PKLR: variants seen among roughly 807,000 people sequenced by gnomAD.
PKLR encodes the protein pyruvate kinase L/R, also known as pyruvate kinase PKLR.
A neutral mutation model predicts 53.6 loss-of-function variants in PKLR; 38 were observed. The observed-to-expected ratio is 0.71, with a 90% CI of 0.55 to 0.93. The LOEUF (loss-of-function observed/expected upper bound fraction) is 0.93. PKLR is among the 40% of genes least tolerant of loss of function. The pLI is 0.00. For missense variants in PKLR, 702 were observed against 787.3 expected, an observed-to-expected ratio of 0.89 and a Z score of 1.30; for synonymous variants, 328 against 316.2, an observed-to-expected ratio of 1.04 and a Z score of -0.39.
intron 2 of PKLR, 89 bp downstream of exon 2, chr1:155,300,009 G>A: frequency 7.6e-7 from 1 of 1,315,924 alleles, no homozygotes; most frequent in Non-Finnish European, 1.1e-6. Context: ...GTCAAACATG[G>A]AGAAGTCTCA....
chr1:155,296,130 G>A (rs1647584820), intron 2 of PKLR, among the ~76,000 whole-genome samples: 1 of 152,178 alleles, frequency 6.6e-6, no homozygotes, highest in Non-Finnish European at 1.5e-5. Flanking sequence ...GGCTTTTAGA[G>A]CTAGGAGGCC....
intron 2 of PKLR, among the ~76,000 whole-genome samples, chr1:155,296,382 G>C (rs993350545): frequency 1.1e-4 from 16 of 150,734 alleles, no homozygotes; most frequent in Admixed American, 1.1e-3. Flanking sequence ...CACTCTTGTC[G>C]CCCAGGCTGG....
At position 155,295,084 on chromosome 1, in the gene PKLR, G is replaced by A. The variant is rs745707960; in HGVS notation, c.694+32C>T. ...GGAGAAGGGAATGTGCCCAGCGCAC[G>A]GATGTGGTCAGGGCGGGAGGCGCGT... is the stretch of plus-strand genomic sequence containing the variant. On this transcript the variant is annotated intron_variant, in intron 5 of 10. Transcript: ENST00000342741. The surrounding 1 kb of genome is among the most constrained non-coding windows in gnomAD (Gnocchi z 4.3). The A allele has an allele frequency of 2.2e-5, 36 of 1,605,298 alleles. No homozygotes were observed. The highest frequency in any genetic ancestry group is 2.9e-5 in the Non-Finnish European group (34 of 1,172,996).
rs963539101 is a variant in PKLR, at chr1:155,294,802, A to C, written c.695-50T>G. On this transcript the variant is annotated intron_variant, in intron 5 of 10. Coordinates refer to ENST00000342741, the MANE Select transcript of PKLR (RefSeq NM_000298.6). ...GCGGTCAGGGGTGAGGACGGGGCAC[A>C]GTTGCAGCAGAGAGGACACTGGGGC... is the stretch of plus-strand genomic sequence containing the variant. 7 of 1,608,584 alleles carry C rather than the reference A, an allele frequency of 4.4e-6. No homozygotes were observed. The African/African-American group carries it at 8.0e-5, about 18-fold the overall frequency.
In PKLR at chr1:155,289,903, G is replaced by A. The variant is rs941425826; in HGVS notation, c.*669C>T. 1.3e-5 allele frequency: 2 copies of A among 152,584 alleles called. No individual in the cohort carries two copies. Among genetic ancestry groups the A allele is most frequent in the African/African-American group, 4.8e-5 (2 of 41,394 alleles). 9.5% of individuals were successfully genotyped at this position (152,584 alleles called of 1,614,324 possible). A position where few individuals can be genotyped will look rare whatever the true frequency, so the allele number is the denominator to read the frequency against. On this transcript the variant is annotated 3_prime_UTR_variant, in exon 11 of 11. Coordinates refer to ENST00000342741, the MANE Select transcript of PKLR (RefSeq NM_000298.6). ...AACATGAGTGGGAAGGAATTTCTGG[G>A]TGCAGAAGGAAGCAGCCGGGGATTT...
Position 155,295,759 on chromosome 1 carries a change from A to G in PKLR, c.284-3T>C, listed in dbSNP as rs1235109778. 6.2e-7 allele frequency: 1 copy of G among 1,612,988 alleles called. No homozygotes were observed. Among genetic ancestry groups the G allele is most frequent in the Non-Finnish European group, 8.5e-7 (1 of 1,178,964 alleles). On this transcript the variant is annotated splice_polypyrimidine_tract_variant and splice_region_variant and intron_variant, in intron 2 of 10. Coordinates refer to ENST00000342741, the MANE Select transcript of PKLR (RefSeq NM_000298.6). The surrounding 1 kb of genome is among the most constrained non-coding windows in gnomAD (Gnocchi z 4.3). ...CTCCACGGAGCGAGATGCTGGCCCTAGAACCAGAGATTCACGTTCAGACAA... is the reference window on the plus strand; with the variant it reads ...CTCCACGGAGCGAGATGCTGGCCCTGGAACCAGAGATTCACGTTCAGACAA...
At chr1:155,303,964 A>G (rs959085722), upstream of PKLR, among the ~76,000 whole-genome samples, 2 of 152,184 alleles carry the variant, frequency 1.3e-5, no homozygotes, top group Admixed American at 1.3e-4. Flanking sequence ...TCTGAGGAAG[A>G]AAAAGCTTGG....
chr1:155,307,539 C>G, the PKLR span, among the ~76,000 whole-genome samples: 2 of 152,180 alleles, frequency 1.3e-5, no homozygotes, highest in Admixed American at 6.5e-5. Context: ...CAAAACCTAC[C>G]AAAACCAAGA....
chr1:155,293,602 C>G lies in PKLR; in HGVS notation c.1117-12G>C. The G allele has an allele frequency of 6.2e-7, 1 of 1,613,984 alleles. No individual in the cohort carries two copies. On this transcript the variant is annotated splice_polypyrimidine_tract_variant and intron_variant, in intron 7 of 10. Coordinates refer to ENST00000342741, the MANE Select transcript of PKLR (RefSeq NM_000298.6). This position sits in a 1 kb window ranked among gnomAD's most constrained non-coding sequence, Gnocchi z 4.2. Reference sequence around the variant, plus strand: ...ATGCTCTCCAGCATCTGGGGGACAGCGTGGATGTCAAAGTTGTAGGACTCA... The same window carrying G: ...ATGCTCTCCAGCATCTGGGGGACAGGGTGGATGTCAAAGTTGTAGGACTCA...
the PKLR span, among the ~76,000 whole-genome samples, chr1:155,308,057 T>TC: frequency 1.6e-5 from 1 of 64,000 alleles, no homozygotes; most frequent in Non-Finnish European, 2.9e-5. Context: ...AGACTCATCT[T>TC]TTTTTTTTTT....
chr1:155,299,432 G>C (rs1343843074), intron 2 of PKLR, among the ~76,000 whole-genome samples: 1 of 146,654 alleles, frequency 6.8e-6, no homozygotes, highest in Non-Finnish European at 1.5e-5. Context: ...CAAGCGATCT[G>C]CCAACCTTGG....
Position 155,293,355 on chromosome 1 carries a change from A to T in PKLR, c.1270-12T>A. ...GCCTCCCGGGCAATCTGCAGGTGCC[A>T]GAATGTTAGTCTGGGAAGGGGCACT... is the stretch of plus-strand genomic sequence containing the variant. On this transcript the variant is annotated splice_polypyrimidine_tract_variant and intron_variant, in intron 8 of 10. Coordinates refer to ENST00000342741, the MANE Select transcript of PKLR (RefSeq NM_000298.6). This position sits in a 1 kb window ranked among gnomAD's most constrained non-coding sequence, Gnocchi z 4.2. 6.2e-7 allele frequency: 1 copy of T among 1,614,226 alleles called. No individual in the cohort carries two copies. The highest frequency in any genetic ancestry group is 8.5e-7 in the Non-Finnish European group (1 of 1,180,028).
At chr1:155,304,379 A>G (rs567088946), upstream of PKLR, among the ~76,000 whole-genome samples, 1 of 143,190 alleles carries the variant, frequency 7.0e-6, no homozygotes, top group East Asian at 2.1e-4. Flanking sequence ...GGTTGCAGTG[A>G]GCCGAGATCA....
At chr1:155,298,432 A>T (rs999932347) in intron 2 of PKLR, among the ~76,000 whole-genome samples, 3 of 147,282 alleles carry the variant, frequency 2.0e-5, no homozygotes, top group Non-Finnish European at 3.0e-5. Flanking sequence ...AGGTTCAAGC[A>T]ATTCTCCTGC....
chr1:155,304,564 C>G (rs561513514), upstream of PKLR, among the ~76,000 whole-genome samples: 12 of 151,564 alleles, frequency 7.9e-5, no homozygotes, highest in Middle Eastern at 3.4e-3. Context: ...AGGGGGACGG[C>G]TTGGAGATGC....
rs535693721 is a variant in PKLR, at chr1:155,297,620, T to G, written c.284-1864A>C. Among the ~76,000 whole-genome samples, 4 of 145,142 alleles carry G rather than the reference T, an allele frequency of 2.8e-5. No homozygotes were observed. In the South Asian group the frequency reaches 9.0e-4, roughly 32 times the overall value. ...AGTGCAGCAGCAGGGGAGGGGAGGCTCTATTAAAACATAAATAAGAGCTTG... is the reference window on the plus strand; with the variant it reads ...AGTGCAGCAGCAGGGGAGGGGAGGCGCTATTAAAACATAAATAAGAGCTTG... On this transcript the variant is annotated intron_variant, in intron 2 of 10. Transcript: ENST00000342741.
At chr1:155,297,396 CAG>C (rs941816208) in intron 2 of PKLR, among the ~76,000 whole-genome samples, 3 of 152,094 alleles carry the variant, frequency 2.0e-5, no homozygotes, top group South Asian at 2.1e-4. Context: ...GCAAAAACCT[CAG>C]AGTCACCTGT....
At chr1:155,301,234 GGC>G in intron 1 of PKLR, 60 bp downstream of exon 1, 1 of 1,584,508 alleles carries the variant, frequency 6.3e-7, no homozygotes. Context: ...CCTCCACCCT[GGC>G]TCCTAGTTTT....
chr1:155,303,140 T>G (rs1481533503), upstream of PKLR, among the ~76,000 whole-genome samples: 1 of 152,262 alleles, frequency 6.6e-6, no homozygotes, highest in African/African-American at 2.4e-5. Flanking sequence ...GTAGCTGTTC[T>G]GTAGGTAAGT....
Sources: allele counts gnomAD v4.1 joint callset (sites outside exome capture counted in the v4.1 genomes callset), GRCh38; gene constraint gnomAD v4.1.1; non-coding constraint Gnocchi (gnomAD v3.1); transcripts MANE v1.5; gene names NCBI Gene and HGNC (gene_info 2026-07-23, HGNC 2026-07-21).